The following IREB2 variants were observed in gnomAD, a reference collection of about 807,000 sequenced individuals.
The protein encoded by IREB2 is iron responsive element binding protein 2.
In IREB2, 39 loss-of-function variants were observed where a neutral mutation model predicts 118.8. The observed-to-expected ratio is 0.33, with a 90% CI of 0.25 to 0.43. IREB2 has a LOEUF of 0.43. Among genes scored for constraint, IREB2 ranks in the 20% least tolerant of loss-of-function variants. The pLI, the probability that IREB2 is intolerant of heterozygous loss-of-function variation, is 1.00. For synonymous variants in IREB2, 372 were observed against 392.2 expected (o/e 0.95, Z 0.61); for missense variants, 900 against 1,147.3 (o/e 0.78, Z 3.11).
intron 21 of IREB2, among the ~76,000 whole-genome samples, chr15:78,497,589 G>A (rs990180584): frequency 6.6e-6 from 1 of 152,152 alleles, no homozygotes; most frequent in Admixed American, 6.6e-5. Context: ...TTTCATGGTG[G>A]TCATTTTTTT....
chr15:78,460,963 A>G (rs935032936), intron 2 of IREB2, among the ~76,000 whole-genome samples: 1 of 152,214 alleles, frequency 6.6e-6, no homozygotes, highest in South Asian at 2.1e-4. Flanking sequence ...TTGTGTGTGT[A>G]TATACATAAC....
intron 5 of IREB2, among the ~76,000 whole-genome samples, chr15:78,467,224 A>AG (rs1458904239): frequency 6.6e-6 from 1 of 151,638 alleles, no homozygotes; most frequent in African/African-American, 2.4e-5. Flanking sequence ...AAAAAAAAAA[A>AG]AGAGCCGTAT....
intron 4 of IREB2, 84 bp from the exon 5 acceptor site, chr15:78,466,187 C>T (rs1023480807): frequency 1.9e-5 from 15 of 784,866 alleles, no homozygotes; most frequent in African/African-American, 1.4e-4. Flanking sequence ...TTCCAGATAG[C>T]GTTGCTAATG....
chr15:78,482,974 C>G (rs371492282), intron 10 of IREB2, among the ~76,000 whole-genome samples: 1 of 152,098 alleles, frequency 6.6e-6, no homozygotes, highest in Non-Finnish European at 1.5e-5. Context: ...CTCCTGACCT[C>G]GTGACCTGCC....
intron 5 of IREB2, among the ~76,000 whole-genome samples, chr15:78,469,560 C>T (rs1176760414): frequency 6.6e-6 from 1 of 151,916 alleles, no homozygotes; most frequent in African/African-American, 2.4e-5. Flanking sequence ...CCCATCTCTA[C>T]TAAAAATACA....
chr15:78,487,611 C>T, intron 13 of IREB2, 122 bp from the exon 14 acceptor site: 3 of 610,048 alleles, frequency 4.9e-6, no homozygotes, highest in Non-Finnish European at 5.8e-6. Flanking sequence ...GAAGGTTAAT[C>T]CATGTGTCAT....
chr15:78,438,093 T>G, upstream of IREB2: 2 of 493,524 alleles, frequency 4.1e-6, no homozygotes, highest in Non-Finnish European at 7.3e-6. Flanking sequence ...AGAAATCGCT[T>G]TCTGGTTAGC....
intron 16 of IREB2, among the ~76,000 whole-genome samples, chr15:78,489,615 A>G (rs1340593608): frequency 6.6e-6 from 1 of 152,122 alleles, no homozygotes; most frequent in African/African-American, 2.4e-5. Context: ...TCCTGGACTC[A>G]AGCAATCCTG....
Position 78,465,341 on chromosome 15 carries a change from G to A in IREB2, c.363G>A (p.Pro121=), listed in dbSNP as rs374515393. ...CTGAGAAAGTCCATCCTGCTTGTCC[G>A]ACAGATCTTACAGTTGACCATTCTT... ...GDPEKVHPAC[P]TDLTVDHSLQ... Residue 121 remains proline (P), a synonymous_variant, in exon 4 of 22, where the codon CCG becomes CCA. Transcript: ENST00000258886. 1.5e-5 allele frequency: 24 copies of A among 1,613,524 alleles called. No individual in the cohort carries two copies. The highest frequency in any genetic ancestry group is 5.5e-5 in the South Asian group (5 of 91,022).
At chr15:78,469,887 A>G (rs1473207676) in intron 5 of IREB2, among the ~76,000 whole-genome samples, 1 of 152,230 alleles carries the variant, frequency 6.6e-6, no homozygotes, top group Non-Finnish European at 1.5e-5. Flanking sequence ...TAATTTTTAA[A>G]AATAACTATT....
At chr15:78,486,146 A>G (rs942416535) in intron 13 of IREB2, among the ~76,000 whole-genome samples, 1 of 152,248 alleles carries the variant, frequency 6.6e-6, no homozygotes, top group Admixed American at 6.5e-5. Flanking sequence ...GTAAGAAACG[A>G]TACCAAGTAT....
rs1395156904 is a variant in IREB2 at position 78,467,225 on chromosome 15, AG to A, written c.629+737del. 1.4e-3 allele frequency among the ~76,000 whole-genome samples: 208 copies of A among 151,496 alleles called. 1 individual carries two copies. The highest frequency in any genetic ancestry group is 2.6e-3 in the Non-Finnish European group (174 of 67,742). The stretch of plus-strand genomic sequence containing the variant: ...GACTGTCGCAAAAAAAAAAAAAAAA[AG>A]AGCCGTATGTTAACGATAAAATTTT... On this transcript the variant is annotated intron_variant, in intron 5 of 21. Transcript: ENST00000258886.
Position 78,500,246 on chromosome 15 carries a change from T to C in IREB2, c.*2103T>C, listed in dbSNP as rs1368190347. ...GGAGATGATGGTAAAGCTAGCTAAC[T>C]ATGAATTAAACATTCACATATCCAG... On this transcript the variant is annotated 3_prime_UTR_variant, in exon 22 of 22. Transcript: ENST00000258886. 1 of 152,208 alleles carries C rather than the reference T, an allele frequency of 6.6e-6. No homozygotes were observed. 9.4% of individuals were successfully genotyped at this position (152,208 alleles called of 1,614,324 possible). A position where few individuals can be genotyped will look rare whatever the true frequency, so the allele number is the denominator to read the frequency against.
intron 8 of IREB2, chr15:78,474,293 C>T (rs2051428173): frequency 1.3e-5 from 2 of 152,210 alleles, no homozygotes; most frequent in African/African-American, 2.4e-5. Context: ...TTTCCGGATA[C>T]TCCAGTGTAA....
intron 9 of IREB2, 190 bp downstream of exon 9, chr15:78,476,549 C>T: frequency 2.4e-6 from 1 of 421,492 alleles, no homozygotes; most frequent in Non-Finnish European, 4.2e-6. Context: ...TTCCCTGTGA[C>T]ACATTGAAAG....
At position 78,487,762 on chromosome 15, in the gene IREB2, T is replaced by C. The variant is rs2230940; in HGVS notation, c.1739T>C (p.Ile580Thr). The stretch of plus-strand genomic sequence containing the variant: ...GAAATCGTTGGCTATGGATGTTCAA[T>C]TTGTGTGGGAAATACAGCACCCTTA... ...GFEIVGYGCSICVGNTAPLSD... is the reference protein window; with the variant it reads ...GFEIVGYGCSTCVGNTAPLSD... Residue 580 changes from isoleucine to threonine, a missense_variant, in exon 14 of 22, where the codon ATT (isoleucine) becomes ACT (threonine). Physicochemically the swap from Ile to Thr is moderately conservative, Grantham distance 89. Transcript: ENST00000258886. The C allele has an allele frequency of 0.99, 1,599,952 of 1,608,382 alleles. 796,175 individuals are homozygous for C. Among genetic ancestry groups the C allele is most frequent in the East Asian group, 1 (44,788 of 44,788 alleles).
At position 78,497,146 on chromosome 15, in the gene IREB2, C is replaced by T. The variant is rs13180; in HGVS notation, c.2616C>T (p.Ala872=). The part of the protein sequence containing the change: ...PYLLGVKAVL[A]ESYEKIHKDH... ...TACAGGGTGTGAAAGCTGTTTTGGCCGAAAGTTATGAAAAAATACACAAAG... is the reference window on the plus strand; with the variant it reads ...TACAGGGTGTGAAAGCTGTTTTGGCTGAAAGTTATGAAAAAATACACAAAG... Residue 872 remains alanine (A), a synonymous_variant, in exon 21 of 22, where the codon GCC becomes GCT. Transcript: ENST00000258886. 0.58 allele frequency: 932,583 copies of T among 1,609,776 alleles called. 276,179 individuals are homozygous for T. Among genetic ancestry groups the T allele is most frequent in the Non-Finnish European group, 0.62 (725,297 of 1,176,450 alleles).
chr15:78,484,052 C>T (rs1398335122), intron 11 of IREB2, among the ~76,000 whole-genome samples: 1 of 151,992 alleles, frequency 6.6e-6, no homozygotes, highest in Non-Finnish European at 1.5e-5. Flanking sequence ...CCCAACAGTG[C>T]TGGGATTATA....
At chr15:78,449,096 C>T (rs1043062421) in intron 2 of IREB2, among the ~76,000 whole-genome samples, 9 of 152,162 alleles carry the variant, frequency 5.9e-5, no homozygotes, top group African/African-American at 1.7e-4. Flanking sequence ...CCTAAGGTCA[C>T]AACATATCTT....
Sources: allele counts gnomAD v4.1 joint callset (sites outside exome capture counted in the v4.1 genomes callset), GRCh38; gene constraint gnomAD v4.1.1; transcripts MANE v1.5; gene names NCBI Gene and HGNC (gene_info 2026-07-23, HGNC 2026-07-21).